Variants in CLVS1 observed in about 807,000 individuals in gnomAD.
The protein encoded by CLVS1 is clavesin-1.
A neutral mutation model predicts 33.1 loss-of-function variants in CLVS1; 10 were observed. That is an observed-to-expected ratio of 0.30 (90% CI 0.19 to 0.51). CLVS1 has a LOEUF of 0.51. CLVS1 is among the 20% of genes least tolerant of loss of function. The pLI is 0.97. For synonymous variants in CLVS1, 163 were observed against 166.1 expected (o/e 0.98, Z 0.14); for missense variants, 343 against 433.4 (o/e 0.79, Z 1.85).
At chr8:61,260,531 C>A (rs1809181119) in intron 2 of CLVS1, among the ~76,000 whole-genome samples, 1 of 152,196 alleles carries the variant, frequency 6.6e-6, no homozygotes, top group South Asian at 2.1e-4. Context: ...CTCTCCACCT[C>A]TCCATACCAG....
intron 2 of CLVS1, among the ~76,000 whole-genome samples, chr8:61,170,755 T>C (rs1394310239): frequency 6.6e-6 from 1 of 152,198 alleles, no homozygotes; most frequent in African/African-American, 2.4e-5. Context: ...ATAGCAAGTA[T>C]TCCAAAACTA....
intron 2 of CLVS1, among the ~76,000 whole-genome samples, chr8:61,320,901 T>C (rs896705329): frequency 6.6e-6 from 1 of 152,220 alleles, no homozygotes; most frequent in African/African-American, 2.4e-5. Context: ...TGTTTCCCTT[T>C]ATACTAGTTT....
intron 2 of CLVS1, among the ~76,000 whole-genome samples, chr8:61,210,163 A>G (rs1174621354): frequency 6.6e-6 from 1 of 152,328 alleles, no homozygotes; most frequent in East Asian, 1.9e-4. Context: ...TGTCAAGGTG[A>G]TAGTATTAAG....
intron 1 of CLVS1, among the ~76,000 whole-genome samples, chr8:61,066,348 A>AC (rs767698145): frequency 1.2e-4 from 18 of 152,168 alleles, no homozygotes; most frequent in Non-Finnish European, 2.4e-4. Context: ...TAATTTTAAA[A>AC]TTAGCCAGGT....
chr8:61,338,930 C>G (rs1052153635), intron 2 of CLVS1, among the ~76,000 whole-genome samples: 2 of 152,076 alleles, frequency 1.3e-5, no homozygotes, highest in African/African-American at 4.8e-5. Flanking sequence ...TCCTGGCTCT[C>G]TCAGGTCAGT....
chr8:61,222,859 C>T lies in CLVS1; in HGVS notation c.-151-76818C>T, dbSNP rs1013147656. On this transcript the variant is annotated intron_variant, in intron 2 of 2. Coordinates refer to the CLVS1 transcript ENST00000522621. ...GAACTTGGTGCTCTTGTATTGAGTGCATATATATTTAGGATAGTTAGCTCT... is the reference window on the plus strand; with the variant it reads ...GAACTTGGTGCTCTTGTATTGAGTGTATATATATTTAGGATAGTTAGCTCT... Among the ~76,000 whole-genome samples, 6 of 151,376 alleles carry T rather than the reference C, an allele frequency of 4.0e-5. No individual in the cohort carries two copies. In the South Asian group the frequency reaches 1.3e-3, roughly 32 times the overall value.
intron 5 of CLVS1, among the ~76,000 whole-genome samples, chr8:61,473,341 T>TA (rs58281654): frequency 0.025 from 2,421 of 96,120 alleles, 81 homozygotes; most frequent in African/African-American, 0.083. Context: ...TCACGGAATT[T>TA]AAAAAAAAAA....
intron 2 of CLVS1, among the ~76,000 whole-genome samples, chr8:61,196,099 C>G (rs1217840317): frequency 6.6e-6 from 1 of 151,990 alleles, no homozygotes; most frequent in Admixed American, 6.6e-5. Context: ...GAATTAAAAG[C>G]ATAGACTTTA....
intron 2 of CLVS1, among the ~76,000 whole-genome samples, chr8:61,373,618 T>G (rs1210616504): frequency 6.6e-6 from 1 of 152,218 alleles, no homozygotes; most frequent in Non-Finnish European, 1.5e-5. Context: ...TATTTCTATC[T>G]TCACCATTCA....
intron 2 of CLVS1, among the ~76,000 whole-genome samples, chr8:61,153,069 G>C (rs1329031006): frequency 6.6e-6 from 1 of 152,150 alleles, no homozygotes; most frequent in Non-Finnish European, 1.5e-5. Context: ...TCCGGAGGCT[G>C]AGGGGGGCTG....
intron 2 of CLVS1, among the ~76,000 whole-genome samples, chr8:61,203,998 C>G (rs1275812010): frequency 6.6e-6 from 1 of 152,136 alleles, no homozygotes; most frequent in Non-Finnish European, 1.5e-5. Flanking sequence ...ATCATCCTGC[C>G]ATGTAGAAGA....
chr8:61,194,984 C>G (rs977271799), intron 2 of CLVS1, among the ~76,000 whole-genome samples: 14 of 151,656 alleles, frequency 9.2e-5, no homozygotes, highest in African/African-American at 2.2e-4. Context: ...AAAAGAGAAT[C>G]AGAATACAAA....
intron 1 of CLVS1, among the ~76,000 whole-genome samples, chr8:61,290,393 A>T (rs1446610819): frequency 6.6e-6 from 1 of 152,222 alleles, no homozygotes; most frequent in Non-Finnish European, 1.5e-5. Context: ...AGTAACAGAA[A>T]TTACTCATTT....
the CLVS1 span, among the ~76,000 whole-genome samples, chr8:61,012,910 TGC>T: frequency 1.3e-5 from 2 of 152,216 alleles, no homozygotes; most frequent in Non-Finnish European, 2.9e-5. Flanking sequence ...CAGACTGCTG[TGC>T]TCATCGTGGC....
intron 1 of CLVS1, among the ~76,000 whole-genome samples, chr8:61,090,700 C>T (rs1016558516): frequency 4.6e-5 from 7 of 152,152 alleles, no homozygotes; most frequent in African/African-American, 1.7e-4. Flanking sequence ...ATGTCTATAA[C>T]AATTTTGCTA....
the CLVS1 span, among the ~76,000 whole-genome samples, chr8:61,001,532 C>T: frequency 6.6e-6 from 1 of 152,250 alleles, no homozygotes; most frequent in Non-Finnish European, 1.5e-5. Context: ...ACACACCTTA[C>T]AGTTTTCTAA....
At chr8:61,170,124 G>A (rs1806963028) in intron 2 of CLVS1, among the ~76,000 whole-genome samples, 1 of 151,910 alleles carries the variant, frequency 6.6e-6, no homozygotes, top group African/African-American at 2.4e-5. Context: ...AAGATAATGA[G>A]CATACCATTA....
chr8:61,045,448 T>G, the CLVS1 span, among the ~76,000 whole-genome samples: 1 of 152,276 alleles, frequency 6.6e-6, no homozygotes, highest in African/African-American at 2.4e-5. Context: ...CAGACAACCA[T>G]GGGATCTACC....
chr8:61,058,580 G>A (rs1384136746), intron 1 of CLVS1, among the ~76,000 whole-genome samples: 1 of 152,194 alleles, frequency 6.6e-6, no homozygotes, highest in Non-Finnish European at 1.5e-5. Context: ...AATGTGGAAA[G>A]TGTACAGTTT....
Sources: allele counts gnomAD v4.1 joint callset (sites outside exome capture counted in the v4.1 genomes callset), GRCh38; gene constraint gnomAD v4.1.1; transcripts MANE v1.5; gene names NCBI Gene and HGNC (gene_info 2026-07-23, HGNC 2026-07-21).